SPAG16: variants seen among roughly 807,000 people sequenced by gnomAD.
SPAG16 encodes sperm-associated antigen 16 protein.
A neutral mutation model predicts 80.4 loss-of-function variants in SPAG16; 86 were observed. The ratio of observed to expected loss-of-function variants is 1.07; its 90% CI spans 0.90 to 1.28. The LOEUF (loss-of-function observed/expected upper bound fraction) is 1.28, where lower values mean the gene tolerates loss of function less well. Among genes scored for constraint, SPAG16 ranks in the 50% most tolerant of loss-of-function variants. SPAG16 has a pLI of 0.00. For missense variants in SPAG16, 870 were observed against 765.3 expected, an observed-to-expected ratio of 1.14 and a Z score of -1.61; for synonymous variants, 294 against 265.9, an observed-to-expected ratio of 1.11 and a Z score of -1.03.
intron 10 of SPAG16, among the ~76,000 whole-genome samples, chr2:213,839,652 A>G (rs1156337445): frequency 6.6e-6 from 1 of 152,214 alleles, no homozygotes; most frequent in East Asian, 1.9e-4. Context: ...GTTTTCTTAA[A>G]AGTGAACATA....
intron 12 of SPAG16, among the ~76,000 whole-genome samples, chr2:213,949,202 G>GTCCC (rs1553677705): frequency 8.6e-6 from 1 of 116,720 alleles, no homozygotes; most frequent in East Asian, 2.5e-4. Context: ...TTGAGGTAGA[G>GTCCC]TCTCTGTCAC....
chr2:213,983,908 C>T (rs1256521881), intron 12 of SPAG16, among the ~76,000 whole-genome samples: 3 of 151,914 alleles, frequency 2.0e-5, no homozygotes, highest in Non-Finnish European at 4.4e-5. Flanking sequence ...GACATTGGAA[C>T]CCGCATGCAA....
chr2:213,955,236 A>T (rs550963305), intron 12 of SPAG16, among the ~76,000 whole-genome samples: 1 of 152,112 alleles, frequency 6.6e-6, no homozygotes, highest in Non-Finnish European at 1.5e-5. Context: ...CTAAGAAGTC[A>T]TTACCAAACA....
At chr2:214,315,440 C>G (rs1695608578) in intron 15 of SPAG16, among the ~76,000 whole-genome samples, 1 of 152,108 alleles carries the variant, frequency 6.6e-6, no homozygotes, top group Non-Finnish European at 1.5e-5. Flanking sequence ...ATGAGGTTAT[C>G]TAAGGAAAGA....
At chr2:213,676,541 T>C (rs949868491) in intron 10 of SPAG16, among the ~76,000 whole-genome samples, 1 of 152,114 alleles carries the variant, frequency 6.6e-6, no homozygotes, top group African/African-American at 2.4e-5. Context: ...GCTCTTATTA[T>C]TTTGAGATAT....
At chr2:213,813,434 A>G (rs2072303719) in intron 10 of SPAG16, among the ~76,000 whole-genome samples, 2 of 152,142 alleles carry the variant, frequency 1.3e-5, no homozygotes, top group Admixed American at 1.3e-4. Flanking sequence ...ATGTGCTCAA[A>G]AGAAAAGATG....
intron 15 of SPAG16, among the ~76,000 whole-genome samples, chr2:214,242,876 C>T (rs755971426): frequency 6.6e-6 from 1 of 152,118 alleles, no homozygotes; most frequent in Non-Finnish European, 1.5e-5. Context: ...ACTTGGGTAG[C>T]TGCAGCCCTA....
intron 15 of SPAG16, among the ~76,000 whole-genome samples, chr2:214,291,966 G>C (rs1234804582): frequency 6.6e-6 from 1 of 152,188 alleles, no homozygotes; most frequent in East Asian, 1.9e-4. Flanking sequence ...GTGTTTGCTT[G>C]TCTGGGAAAA....
At chr2:214,108,478 CA>C (rs773774554) in intron 14 of SPAG16, among the ~76,000 whole-genome samples, 13,695 of 76,492 alleles carry the variant, frequency 0.18, 755 homozygotes, top group Non-Finnish European at 0.22. Context: ...CACACACACA[CA>C]CCCCCACACA....
chr2:213,854,510 G>A (rs886942857), intron 10 of SPAG16, among the ~76,000 whole-genome samples: 29 of 152,052 alleles, frequency 1.9e-4, no homozygotes, highest in African/African-American at 7.0e-4. Flanking sequence ...TTAAGTTGTG[G>A]GCCATTCTTC....
At chr2:213,980,608 G>A (rs2372103) in intron 12 of SPAG16, among the ~76,000 whole-genome samples, 73,851 of 134,598 alleles carry the variant, frequency 0.55, 21,973 homozygotes, top group South Asian at 0.77. Flanking sequence ...TATATATGGA[G>A]TATATGTATA....
chr2:214,368,023 TCTC>T (rs1196423422), intron 15 of SPAG16, among the ~76,000 whole-genome samples: 1 of 152,114 alleles, frequency 6.6e-6, no homozygotes, highest in East Asian at 1.9e-4. Context: ...AAAAAAATGT[TCTC>T]CTTTTAAAGA....
chr2:213,795,626 T>C (rs576210301), intron 10 of SPAG16, among the ~76,000 whole-genome samples: 1 of 152,276 alleles, frequency 6.6e-6, no homozygotes, highest in Admixed American at 6.5e-5. Context: ...TAATCCTCAG[T>C]GTTAGAGGTG....
intron 14 of SPAG16, among the ~76,000 whole-genome samples, chr2:214,116,413 A>G (rs1006151741): frequency 6.6e-6 from 1 of 152,202 alleles, no homozygotes; most frequent in Admixed American, 6.5e-5. Context: ...TTTGAGGTGC[A>G]CCAGACTCAG....
intron 10 of SPAG16, among the ~76,000 whole-genome samples, chr2:213,671,296 C>A (rs1256242958): frequency 6.6e-6 from 1 of 152,118 alleles, no homozygotes; most frequent in Admixed American, 6.6e-5. Context: ...CTATGGCAGC[C>A]ATTCTAAGGG....
At chr2:213,483,274 T>C (rs909091737) in intron 9 of SPAG16, among the ~76,000 whole-genome samples, 1 of 152,028 alleles carries the variant, frequency 6.6e-6, no homozygotes, top group East Asian at 1.9e-4. Context: ...ATGTAGATCT[T>C]AGCAAATTGG....
intron 10 of SPAG16, among the ~76,000 whole-genome samples, chr2:213,556,752 A>G (rs990712047): frequency 6.6e-6 from 1 of 152,172 alleles, no homozygotes; most frequent in Non-Finnish European, 1.5e-5. Flanking sequence ...TGGACAAAAC[A>G]GACATATGCA....
At chr2:213,815,232 G>A (rs2072449549) in intron 10 of SPAG16, among the ~76,000 whole-genome samples, 3 of 152,102 alleles carry the variant, frequency 2.0e-5, no homozygotes, top group Non-Finnish European at 4.4e-5. Context: ...AGCAACAAAT[G>A]GCTACATACT....
intron 10 of SPAG16, among the ~76,000 whole-genome samples, chr2:213,526,193 A>G (rs1354976012): frequency 6.6e-6 from 1 of 152,094 alleles, no homozygotes; most frequent in African/African-American, 2.4e-5. Flanking sequence ...CTTTCTCTCC[A>G]GTCTCCCAAT....
Sources: gnomAD v4.1 joint callset for allele counts (sites outside exome capture counted in the v4.1 genomes callset) on GRCh38, gnomAD v4.1.1 for gene constraint, MANE v1.5 for transcripts, NCBI Gene and HGNC (gene_info 2026-07-23, HGNC 2026-07-21) for gene names.